VWA8: variants seen among roughly 807,000 people sequenced by gnomAD.
The protein encoded by VWA8 is von Willebrand factor A domain-containing protein 8.
VWA8 carries 221 observed loss-of-function variants against 241.5 expected under a neutral mutation model. The ratio of observed to expected loss-of-function variants is 0.91; its 90% CI spans 0.82 to 1.02. The LOEUF is 1.02. Ranked by LOEUF, VWA8 falls within the 50% of genes least tolerant of loss-of-function variation. The pLI is 0.00. For synonymous variants in VWA8, 852 were observed against 827.1 expected (o/e 1.03, Z -0.52); for missense variants, 2,322 against 2,328.7 (o/e 1.00, Z 0.06).
chr13:41,898,581 A>T (rs1478243587), intron 4 of VWA8, among the ~76,000 whole-genome samples: 2 of 152,134 alleles, frequency 1.3e-5, no homozygotes, highest in Admixed American at 6.5e-5. Context: ...ATGCGCTGGC[A>T]CTCCTCAGCC....
chr13:41,828,663 C>T (rs1410991173), intron 14 of VWA8, among the ~76,000 whole-genome samples: 1 of 152,120 alleles, frequency 6.6e-6, no homozygotes, highest in East Asian at 1.9e-4. Flanking sequence ...TACACACACA[C>T]ATACATGTCT....
At chr13:41,926,152 AC>A in intron 2 of VWA8, 1 of 601,212 alleles carries the variant, frequency 1.7e-6, no homozygotes, top group Non-Finnish European at 3.1e-6. Context: ...GTTCAGGGGA[AC>A]CCTGGGAAAA....
At chr13:41,759,490 T>C (rs879578646) in intron 21 of VWA8, among the ~76,000 whole-genome samples, 2 of 151,596 alleles carry the variant, frequency 1.3e-5, no homozygotes, top group African/African-American at 2.4e-5. Context: ...TTCCTACCAT[T>C]ATCTCTTCAA....
chr13:41,626,635 A>T (rs1203000884), intron 37 of VWA8, among the ~76,000 whole-genome samples: 1 of 152,170 alleles, frequency 6.6e-6, no homozygotes, highest in Non-Finnish European at 1.5e-5. Flanking sequence ...ACCATCTGAT[A>T]TTTGACAAAG....
intron 4 of VWA8, among the ~76,000 whole-genome samples, chr13:41,896,230 C>A (rs892243564): frequency 4.6e-5 from 7 of 151,902 alleles, no homozygotes; most frequent in African/African-American, 1.7e-4. Context: ...ACATGTATTA[C>A]CTTTCCTATG....
At chr13:41,954,617 C>T (rs1878278304) in intron 1 of VWA8, among the ~76,000 whole-genome samples, 1 of 152,164 alleles carries the variant, frequency 6.6e-6, no homozygotes, top group Admixed American at 6.5e-5. Context: ...AATGGAAATA[C>T]AAATTCAAGG....
intron 20 of VWA8, among the ~76,000 whole-genome samples, chr13:41,769,495 T>C (rs758967811): frequency 7.2e-5 from 11 of 152,238 alleles, no homozygotes; most frequent in African/African-American, 1.9e-4. Flanking sequence ...GTGTGGAATA[T>C]ATAAAAAATT....
At chr13:41,589,908 A>G (rs1210396900) in intron 41 of VWA8, among the ~76,000 whole-genome samples, 1 of 152,246 alleles carries the variant, frequency 6.6e-6, no homozygotes, top group African/African-American at 2.4e-5. Flanking sequence ...AGAAGGGTAC[A>G]TAAGCATCTG....
At chr13:41,610,573 A>C (rs1441709057) in intron 39 of VWA8, among the ~76,000 whole-genome samples, 1 of 152,160 alleles carries the variant, frequency 6.6e-6, no homozygotes, top group Non-Finnish European at 1.5e-5. Flanking sequence ...ATTGTCCTGT[A>C]CTGTTTACTT....
At chr13:41,732,828 AT>A (rs1480582154) in intron 21 of VWA8, among the ~76,000 whole-genome samples, 1 of 152,230 alleles carries the variant, frequency 6.6e-6, no homozygotes, top group Non-Finnish European at 1.5e-5. Context: ...ACCTCCTTAC[AT>A]GATGAGATGT....
chr13:41,829,672 A>T (rs1251237202), intron 14 of VWA8, among the ~76,000 whole-genome samples: 1 of 152,194 alleles, frequency 6.6e-6, no homozygotes, highest in Non-Finnish European at 1.5e-5. Context: ...TTCTAAGTGA[A>T]GTAACTCAGG....
Position 41,819,283 on chromosome 13 carries a change from T to C in VWA8, c.1804A>G (p.Met602Val), listed in dbSNP as rs974201691. The C allele has an allele frequency of 3.1e-6, 5 of 1,613,230 alleles. No homozygotes were observed. The African/African-American group carries it at 5.3e-5, about 17-fold the overall frequency. ...HQWLGPEFLT[M>V]FFFHYMKPLV... ...GGTTTCATGTAATGGAAAAAGAACA[T>C]GGTTAAGAATTCTGGTCCCAGCCAC... The change falls in exon 15 of 45, where the codon ATG (methionine) becomes GTG (valine). Residue 602 changes from methionine (M) to valine (V), a missense_variant. Coordinates refer to ENST00000379310, the MANE Select transcript of VWA8 (RefSeq NM_015058.2).
chr13:41,818,116 A>G (rs1870777540), intron 15 of VWA8, among the ~76,000 whole-genome samples: 1 of 151,770 alleles, frequency 6.6e-6, no homozygotes, highest in African/African-American at 2.4e-5. Context: ...GTGTGCACCA[A>G]TAAGCCCAGC....
At chr13:41,700,200 C>A (rs929556554) in intron 28 of VWA8, among the ~76,000 whole-genome samples, 1 of 151,984 alleles carries the variant, frequency 6.6e-6, no homozygotes, top group African/African-American at 2.4e-5. Flanking sequence ...CAATAAGATA[C>A]GTCATTTAAA....
chr13:41,869,396 C>T (rs548285052), intron 9 of VWA8, among the ~76,000 whole-genome samples: 4 of 152,022 alleles, frequency 2.6e-5, no homozygotes, highest in South Asian at 2.1e-4. Flanking sequence ...CACTTTGGGA[C>T]GCCAAGGCAA....
chr13:41,779,405 C>T (rs996600938), intron 19 of VWA8, among the ~76,000 whole-genome samples: 14 of 151,648 alleles, frequency 9.2e-5, no homozygotes, highest in Admixed American at 5.9e-4. Context: ...TTATCTTGGT[C>T]GTTTTTATTT....
chr13:41,727,188 T>G lies in VWA8; in HGVS notation c.2758+6A>C. 6.5e-7 allele frequency: 1 copy of G among 1,539,404 alleles called. No individual in the cohort carries two copies. Among genetic ancestry groups the G allele is most frequent in the Non-Finnish European group, 8.8e-7 (1 of 1,142,362 alleles). On this transcript the variant is annotated splice_donor_region_variant and intron_variant, in intron 24 of 44. Transcript: ENST00000379310. The stretch of plus-strand genomic sequence containing the variant: ...TTGGTATTGTTATTATCATTACTGT[T>G]TTTACCTAAGGTACCGAAGAAATCA...
intron 4 of VWA8, among the ~76,000 whole-genome samples, chr13:41,907,096 T>C (rs948667117): frequency 6.6e-6 from 1 of 152,222 alleles, no homozygotes; most frequent in African/African-American, 2.4e-5. Flanking sequence ...AGTTTCATTA[T>C]AATGTTCATA....
At chr13:41,923,171 A>C (rs954733787) in intron 2 of VWA8, among the ~76,000 whole-genome samples, 1 of 152,230 alleles carries the variant, frequency 6.6e-6, no homozygotes, top group African/African-American at 2.4e-5. Context: ...CATTCTGAGC[A>C]AACTACCACA....
Sources: allele counts gnomAD v4.1 joint callset (sites outside exome capture counted in the v4.1 genomes callset), GRCh38; gene constraint gnomAD v4.1.1; transcripts MANE v1.5; gene names NCBI Gene and HGNC (gene_info 2026-07-23, HGNC 2026-07-21).